Variants in ANKS1B observed in about 807,000 individuals in gnomAD.
ANKS1B encodes ankyrin repeat and sterile alpha motif domain containing 1B.
Under a neutral mutation model 148.3 loss-of-function variants are expected in ANKS1B, and 36 were observed. The observed-to-expected ratio is 0.24, with a 90% CI of 0.19 to 0.32. The LOEUF (loss-of-function observed/expected upper bound fraction) is 0.32, where lower values mean the gene tolerates loss of function less well. Among genes scored for constraint, ANKS1B ranks in the 10% least tolerant of loss-of-function variants. ANKS1B has a pLI of 1.00. For missense variants in ANKS1B, 1,157 were observed against 1,542.6 expected, an observed-to-expected ratio of 0.75 and a Z score of 4.19; for synonymous variants, 542 against 560.8, an observed-to-expected ratio of 0.97 and a Z score of 0.47.
At chr12:98,842,456 G>C (rs2099412342) in intron 17 of ANKS1B, among the ~76,000 whole-genome samples, 1 of 152,188 alleles carries the variant, frequency 6.6e-6, no homozygotes, top group African/African-American at 2.4e-5. Context: ...TGAGCATAAA[G>C]GAACTTTTTA....
At chr12:99,909,551 T>C (rs1165813237) in intron 1 of ANKS1B, among the ~76,000 whole-genome samples, 2 of 152,158 alleles carry the variant, frequency 1.3e-5, no homozygotes, top group Non-Finnish European at 2.9e-5. Flanking sequence ...ACATCTCTTT[T>C]TGGTTTATTT....
chr12:99,545,632 T>C (rs1183129635), intron 9 of ANKS1B, among the ~76,000 whole-genome samples: 8 of 152,030 alleles, frequency 5.3e-5, no homozygotes, highest in Admixed American at 3.9e-4. Flanking sequence ...AAGAATGGTA[T>C]AGAAGAAATA....
At chr12:99,047,363 G>C (rs2099963181) in intron 17 of ANKS1B, among the ~76,000 whole-genome samples, 1 of 152,200 alleles carries the variant, frequency 6.6e-6, no homozygotes, top group Admixed American at 6.5e-5. Context: ...TTGTGCCACT[G>C]CACTCCAGCC....
rs574355607 is a variant in ANKS1B at position 98,975,291 on chromosome 12, T to G, written c.2778+77866A>C. Among the ~76,000 whole-genome samples, 125 of 144,226 alleles carry G rather than the reference T, an allele frequency of 8.7e-4. 1 individual carries two copies. The highest frequency in any genetic ancestry group is 3.1e-3 in the African/African-American group (120 of 39,318). The allele number at this position is 144,226 out of a possible 152,430, so 94.6% of individuals were successfully genotyped here. A position where few individuals can be genotyped will look rare whatever the true frequency, so the allele number is the denominator to read the frequency against. On this transcript the variant is annotated intron_variant, in intron 17 of 26. Transcript: ENST00000683438. ...TCCCTCCCTCCCTTCCTTTTTTCTCTACCTCCCTCCCTCCTTCCTTCTTCC... is the reference window on the plus strand; with the variant it reads ...TCCCTCCCTCCCTTCCTTTTTTCTCGACCTCCCTCCCTCCTTCCTTCTTCC...
At chr12:99,094,131 T>C (rs925228631) in intron 15 of ANKS1B, among the ~76,000 whole-genome samples, 1 of 152,194 alleles carries the variant, frequency 6.6e-6, no homozygotes, top group Non-Finnish European at 1.5e-5. Flanking sequence ...ATTTATTATG[T>C]GCCAGGCACT....
chr12:98,739,952 CT>C (rs575138234), downstream of ANKS1B, among the ~76,000 whole-genome samples: 86 of 152,244 alleles, frequency 5.6e-4, no homozygotes, highest in African/African-American at 2.0e-3. Flanking sequence ...TGGCCATTGG[CT>C]TTTAGGAGAC....
chr12:98,799,915 A>G (rs957751681), intron 21 of ANKS1B, among the ~76,000 whole-genome samples: 6 of 151,800 alleles, frequency 4.0e-5, no homozygotes, highest in African/African-American at 1.5e-4. Flanking sequence ...TACAATAATT[A>G]TTTTAGAAGA....
At chr12:99,212,103 G>T (rs890712437) in intron 14 of ANKS1B, among the ~76,000 whole-genome samples, 1 of 152,182 alleles carries the variant, frequency 6.6e-6, no homozygotes, top group African/African-American at 2.4e-5. Context: ...TGTGGCATTT[G>T]CACACTTGGG....
At chr12:99,616,960 C>T (rs553852902) in intron 9 of ANKS1B, among the ~76,000 whole-genome samples, 70 of 152,012 alleles carry the variant, frequency 4.6e-4, no homozygotes, top group African/African-American at 1.6e-3. Context: ...AAACAAACAA[C>T]CCCATCAAAA....
chr12:99,692,759 G>A (rs1037385072), intron 8 of ANKS1B, among the ~76,000 whole-genome samples: 26 of 152,176 alleles, frequency 1.7e-4, no homozygotes, highest in South Asian at 6.2e-4. Flanking sequence ...GTGGGTTGTC[G>A]TTTATTAAGC....
intron 12 of ANKS1B, among the ~76,000 whole-genome samples, chr12:99,368,526 A>G (rs2092912077): frequency 6.6e-6 from 1 of 152,104 alleles, no homozygotes; most frequent in Non-Finnish European, 1.5e-5. Context: ...AAGAGACAAT[A>G]TAAGATCAAA....
intron 17 of ANKS1B, among the ~76,000 whole-genome samples, chr12:99,019,385 A>G (rs1032016532): frequency 2.0e-5 from 3 of 152,212 alleles, no homozygotes; most frequent in African/African-American, 4.8e-5. Flanking sequence ...AAAAGAGGAT[A>G]CAGGGCATTG....
chr12:99,900,228 C>T (rs1380540581), intron 1 of ANKS1B, among the ~76,000 whole-genome samples: 1 of 151,294 alleles, frequency 6.6e-6, no homozygotes. Context: ...TTCTATATGG[C>T]CATGTGCTGT....
At chr12:99,172,911 T>C (rs1346337701) in intron 14 of ANKS1B, among the ~76,000 whole-genome samples, 2 of 152,150 alleles carry the variant, frequency 1.3e-5, no homozygotes, top group South Asian at 2.1e-4. Flanking sequence ...TTATTAGCTA[T>C]AATAAGTATT....
chr12:99,308,921 A>C (rs2082734668), intron 12 of ANKS1B, among the ~76,000 whole-genome samples: 1 of 149,346 alleles, frequency 6.7e-6, no homozygotes, highest in African/African-American at 2.4e-5. Context: ...TGTATACTAT[A>C]TATAACATAT....
intron 1 of ANKS1B, among the ~76,000 whole-genome samples, chr12:99,854,803 C>A (rs940842674): frequency 1.2e-4 from 19 of 152,076 alleles, no homozygotes; most frequent in African/African-American, 4.6e-4. Flanking sequence ...AAGTAAGCTT[C>A]ATAAATGAAG....
chr12:99,467,736 C>T (rs566193908), intron 10 of ANKS1B, among the ~76,000 whole-genome samples: 1 of 152,174 alleles, frequency 6.6e-6, no homozygotes, highest in South Asian at 2.1e-4. Context: ...TTATAAGGGA[C>T]ATGAAGGACC....
chr12:98,766,632 A>T (rs2098484216), intron 25 of ANKS1B, among the ~76,000 whole-genome samples: 1 of 152,190 alleles, frequency 6.6e-6, no homozygotes, highest in Non-Finnish European at 1.5e-5. Context: ...CGCCTCCATG[A>T]TATTAATTCA....
At chr12:99,524,630 G>A (rs758772372) in intron 9 of ANKS1B, among the ~76,000 whole-genome samples, 1 of 152,120 alleles carries the variant, frequency 6.6e-6, no homozygotes, top group African/African-American at 2.4e-5. Context: ...CCCAAGACTG[G>A]GTAATTTATA....
Sources: gnomAD v4.1 joint callset for allele counts (sites outside exome capture counted in the v4.1 genomes callset) on GRCh38, gnomAD v4.1.1 for gene constraint, MANE v1.5 for transcripts, NCBI Gene and HGNC (gene_info 2026-07-23, HGNC 2026-07-21) for gene names.